LOC400499: variants seen among roughly 807,000 people sequenced by gnomAD.
chr16:11,461,463 C>T, the LOC400499 span, among the ~76,000 whole-genome samples: 2 of 152,198 alleles, frequency 1.3e-5, no homozygotes, highest in African/African-American at 2.4e-5. Flanking sequence ...TCAAGTAATC[C>T]TCCTGCGTTA....
chr16:11,398,086 G>C, the LOC400499 span, among the ~76,000 whole-genome samples: 4 of 152,130 alleles, frequency 2.6e-5, no homozygotes, highest in Non-Finnish European at 5.9e-5. Context: ...CCAAGGCTGA[G>C]CATTCCCGCA....
At chr16:11,521,750 G>A in the LOC400499 span, among the ~76,000 whole-genome samples, 1 of 152,020 alleles carries the variant, frequency 6.6e-6, no homozygotes, top group Non-Finnish European at 1.5e-5. Context: ...TTCCCCGATT[G>A]GGCCCTCTGT....
chr16:11,523,982 C>G, the LOC400499 span, among the ~76,000 whole-genome samples: 2 of 120,020 alleles, frequency 1.7e-5, no homozygotes, highest in Non-Finnish European at 3.5e-5. Flanking sequence ...TCCTATCCAT[C>G]TATCTGCCCA....
chr16:11,491,705 G>C, the LOC400499 span: 2 of 398,646 alleles, frequency 5.0e-6, no homozygotes, highest in African/African-American at 4.1e-5. Context: ...GCTCACCCTG[G>C]GTGGAGAGCT....
chr16:11,446,545 C>G, the LOC400499 span: 34 of 1,535,902 alleles, frequency 2.2e-5, no homozygotes, highest in Non-Finnish European at 2.7e-5. Context: ...GGTCTCTGCT[C>G]TTACCGTGTG....
At chr16:11,486,543 G>A in the LOC400499 span, among the ~76,000 whole-genome samples, 2 of 123,276 alleles carry the variant, frequency 1.6e-5, no homozygotes, top group East Asian at 4.9e-4. Flanking sequence ...GGGAGGGTGG[G>A]TGGATAGATG....
At chr16:11,466,885 GAA>G in the LOC400499 span, among the ~76,000 whole-genome samples, 17 of 152,076 alleles carry the variant, frequency 1.1e-4, no homozygotes, top group Non-Finnish European at 2.9e-5. Flanking sequence ...ATGCTTGTCT[GAA>G]AAGATTGCCA....
chr16:11,461,634 G>A, the LOC400499 span, among the ~76,000 whole-genome samples: 9 of 152,218 alleles, frequency 5.9e-5, no homozygotes. Context: ...GACACAGAAG[G>A]TCAGCCAGAA....
the LOC400499 span, chr16:11,472,063 C>T: frequency 8.1e-6 from 3 of 371,176 alleles, no homozygotes; most frequent in Non-Finnish European, 1.4e-5. Flanking sequence ...TGGGATGTTT[C>T]GCTGAATCCT....
the LOC400499 span, among the ~76,000 whole-genome samples, chr16:11,524,345 T>G: frequency 7.4e-6 from 1 of 135,500 alleles, no homozygotes; most frequent in Admixed American, 7.3e-5. Context: ...CTCCCTCCTA[T>G]CCATCCATCC....
chr16:11,514,428 C>T, the LOC400499 span: 8 of 399,042 alleles, frequency 2.0e-5, no homozygotes, highest in Admixed American at 4.4e-5. Flanking sequence ...ATCTGCACAG[C>T]GCTTGCCTTT....
At chr16:11,475,508 C>G in the LOC400499 span, 1 of 395,206 alleles carries the variant, frequency 2.5e-6, no homozygotes, top group Non-Finnish European at 4.5e-6. Flanking sequence ...TTTTGGTTTG[C>G]AGAATATGAA....
chr16:11,422,546 T>A, the LOC400499 span, among the ~76,000 whole-genome samples: 1 of 151,992 alleles, frequency 6.6e-6, no homozygotes, highest in African/African-American at 2.4e-5. Context: ...ATGCAGCAGG[T>A]GGCAAGGCCC....
the LOC400499 span, among the ~76,000 whole-genome samples, chr16:11,501,781 A>C: frequency 1.3e-5 from 2 of 152,104 alleles, no homozygotes; most frequent in Non-Finnish European, 2.9e-5. Flanking sequence ...TGCTAATTCC[A>C]GCAAGAGGGT....
At chr16:11,412,085 G>C in the LOC400499 span, among the ~76,000 whole-genome samples, 1 of 151,958 alleles carries the variant, frequency 6.6e-6, no homozygotes, top group African/African-American at 2.4e-5. Context: ...GGTTGGCCTC[G>C]AGCTTCTGGG....
chr16:11,510,476 T>C, the LOC400499 span, among the ~76,000 whole-genome samples: 1 of 151,764 alleles, frequency 6.6e-6, no homozygotes, highest in African/African-American at 2.4e-5. Context: ...CATTACTTTC[T>C]CAGAGAGGCC....
the LOC400499 span, among the ~76,000 whole-genome samples, chr16:11,461,372 A>C: frequency 6.6e-6 from 1 of 152,126 alleles, no homozygotes; most frequent in Admixed American, 6.5e-5. Context: ...GACGTGTGCC[A>C]CCACACTTGG....
At chr16:11,475,016 A>G in the LOC400499 span, among the ~76,000 whole-genome samples, 3 of 152,318 alleles carry the variant, frequency 2.0e-5, no homozygotes, top group African/African-American at 7.2e-5. Flanking sequence ...CAGCTATTCT[A>G]TGTTCACCTT....
chr16:11,394,729 C>T, the LOC400499 span, among the ~76,000 whole-genome samples: 1 of 152,178 alleles, frequency 6.6e-6, no homozygotes, highest in African/African-American at 2.4e-5. Flanking sequence ...GGCAGAAGGC[C>T]ACCACGTGGG....
Sources: allele counts gnomAD v4.1 joint callset (sites outside exome capture counted in the v4.1 genomes callset), GRCh38; gene constraint gnomAD v4.1.1; transcripts MANE v1.5.